The following CADPS2 variants were observed in gnomAD, a reference collection of about 807,000 sequenced individuals.
The protein encoded by CADPS2 is calcium dependent secretion activator 2.
Under a neutral mutation model 172.5 loss-of-function variants are expected in CADPS2, and 93 were observed. That is an observed-to-expected ratio of 0.54 (90% CI 0.46 to 0.64). The LOEUF (loss-of-function observed/expected upper bound fraction) is 0.64, where lower values mean the gene tolerates loss of function less well. CADPS2 is among the 30% of genes least tolerant of loss of function. The probability of loss-of-function intolerance (pLI) is 0.00; values close to 1 mark genes in which losing one functional copy is unlikely to be tolerated. For synonymous variants in CADPS2, 546 were observed against 555.2 expected (o/e 0.98, Z 0.23); for missense variants, 1,420 against 1,565.9 (o/e 0.91, Z 1.57).
chr7:122,637,171 C>CTTTT (rs71161313), intron 3 of CADPS2, among the ~76,000 whole-genome samples: 1 of 53,900 alleles, frequency 1.9e-5, no homozygotes, highest in African/African-American at 7.3e-5. Context: ...TGAAATTTTG[C>CTTTT]TTTTTTTTTT....
intron 27 of CADPS2, among the ~76,000 whole-genome samples, chr7:122,352,380 T>C (rs528651431): frequency 6.6e-6 from 1 of 152,216 alleles, no homozygotes; most frequent in African/African-American, 2.4e-5. Flanking sequence ...TTAGATGGAC[T>C]GGGATGGGTT....
intron 9 of CADPS2, among the ~76,000 whole-genome samples, chr7:122,496,751 CAT>C (rs1195948036): frequency 6.6e-6 from 1 of 152,120 alleles, no homozygotes; most frequent in East Asian, 1.9e-4. Context: ...CTGCTTAACA[CAT>C]GACTAGTTTT....
intron 2 of CADPS2, among the ~76,000 whole-genome samples, chr7:122,732,937 TAC>T: frequency 6.8e-6 from 1 of 147,750 alleles, no homozygotes; most frequent in Admixed American, 6.9e-5. Context: ...ACATATTATA[TAC>T]AGATTCAGAA....
intron 6 of CADPS2, among the ~76,000 whole-genome samples, chr7:122,611,770 C>G (rs1176727111): frequency 1.3e-5 from 2 of 152,114 alleles, no homozygotes; most frequent in East Asian, 3.9e-4. Context: ...AAAAAAATTA[C>G]AAGGACAATA....
At chr7:122,617,860 A>G (rs1024099309) in intron 5 of CADPS2, among the ~76,000 whole-genome samples, 5 of 152,102 alleles carry the variant, frequency 3.3e-5, no homozygotes, top group African/African-American at 4.8e-5. Flanking sequence ...TGGCTAACAC[A>G]GTGACACCTT....
chr7:122,867,920 T>C (rs1818729243), intron 1 of CADPS2, among the ~76,000 whole-genome samples: 1 of 152,120 alleles, frequency 6.6e-6, no homozygotes, highest in Non-Finnish European at 1.5e-5. Context: ...AATGGGCCTC[T>C]TCATACCTGA....
At chr7:122,529,551 G>A (rs1012620239) in intron 8 of CADPS2, among the ~76,000 whole-genome samples, 1 of 152,086 alleles carries the variant, frequency 6.6e-6, no homozygotes, top group Admixed American at 6.6e-5. Flanking sequence ...GTCTGGTGGT[G>A]TCTCTGGATT....
intron 14 of CADPS2, among the ~76,000 whole-genome samples, chr7:122,458,539 G>C (rs568348068): frequency 6.6e-6 from 1 of 152,216 alleles, no homozygotes; most frequent in Admixed American, 6.5e-5. Flanking sequence ...TTTAAAAGAT[G>C]AAATTCTGAA....
intron 7 of CADPS2, among the ~76,000 whole-genome samples, chr7:122,580,556 T>C (rs371911426): frequency 6.6e-6 from 1 of 152,086 alleles, no homozygotes; most frequent in Admixed American, 6.6e-5. Flanking sequence ...GAAGATGACC[T>C]TTCACACAGA....
chr7:122,581,064 T>C, intron 7 of CADPS2, 115 bp downstream of exon 7: 1 of 698,714 alleles, frequency 1.4e-6, no homozygotes, highest in Non-Finnish European at 2.5e-6. Flanking sequence ...TAACAAATTA[T>C]TTTATGTAAT....
At chr7:122,776,889 G>A (rs2093900178) in intron 1 of CADPS2, among the ~76,000 whole-genome samples, 1 of 152,198 alleles carries the variant, frequency 6.6e-6, no homozygotes, top group South Asian at 2.1e-4. Flanking sequence ...AGTAGCTCAT[G>A]CCTGTAATGC....
At chr7:122,633,806 T>C (rs2076800005) in intron 3 of CADPS2, among the ~76,000 whole-genome samples, 1 of 152,178 alleles carries the variant, frequency 6.6e-6, no homozygotes, top group South Asian at 2.1e-4. Context: ...CTCTTCTCCA[T>C]CCAGTATGAT....
At chr7:122,857,860 A>T (rs1563188563) in intron 1 of CADPS2, among the ~76,000 whole-genome samples, 1 of 152,048 alleles carries the variant, frequency 6.6e-6, no homozygotes, top group South Asian at 2.1e-4. Context: ...GTTCTTTCAG[A>T]TATGTCTGGA....
intron 18 of CADPS2, 53 bp downstream of exon 18, chr7:122,416,008 C>G (rs542948514): frequency 1.5e-4 from 170 of 1,156,606 alleles, no homozygotes; most frequent in Non-Finnish European, 2.0e-4. Flanking sequence ...GTAGCCACAA[C>G]CATGGTGAAG....
intron 4 of CADPS2, among the ~76,000 whole-genome samples, chr7:122,628,628 G>A (rs1314831767): frequency 6.6e-6 from 1 of 150,598 alleles, no homozygotes; most frequent in African/African-American, 2.4e-5. Flanking sequence ...TAGACAATTG[G>A]GTTCCATTCT....
intron 1 of CADPS2, among the ~76,000 whole-genome samples, chr7:122,751,227 C>T (rs776515639): frequency 2.0e-5 from 3 of 152,086 alleles, no homozygotes; most frequent in Non-Finnish European, 4.4e-5. Context: ...GTTCCTCGAG[C>T]CTTGGATTCC....
intron 2 of CADPS2, among the ~76,000 whole-genome samples, chr7:122,689,730 G>A (rs189501572): frequency 9.9e-5 from 15 of 152,268 alleles, no homozygotes; most frequent in African/African-American, 3.1e-4. Context: ...TGGTAAGGCC[G>A]CTTATTCCAC....
At chr7:122,680,774 A>T (rs1425924133) in intron 2 of CADPS2, among the ~76,000 whole-genome samples, 3 of 152,138 alleles carry the variant, frequency 2.0e-5, no homozygotes, top group Admixed American at 1.3e-4. Flanking sequence ...CCATCCCATT[A>T]CTGGGTATAT....
At chr7:122,723,000 C>T (rs2090636174) in intron 2 of CADPS2, among the ~76,000 whole-genome samples, 1 of 151,970 alleles carries the variant, frequency 6.6e-6, no homozygotes, top group Middle Eastern at 3.2e-3. Flanking sequence ...AAACTGGATC[C>T]CTTCCTTACA....
Sources: allele counts gnomAD v4.1 joint callset (sites outside exome capture counted in the v4.1 genomes callset), GRCh38; gene constraint gnomAD v4.1.1; transcripts MANE v1.5; gene names NCBI Gene and HGNC (gene_info 2026-07-23, HGNC 2026-07-21).